ZNF718: variants seen among roughly 807,000 people sequenced by gnomAD.
ZNF718 encodes the protein zinc finger protein 718.
In ZNF718, 3 loss-of-function variants were observed where a neutral mutation model predicts 2.6. The observed-to-expected ratio is 1.16, with a 90% CI of 0.53 to 3.01. ZNF718 has a LOEUF of 3.01. Ranked by LOEUF, ZNF718 falls within the 30% of genes most tolerant of loss-of-function variation. ZNF718 has a pLI of 0.03. For synonymous variants in ZNF718, 135 were observed against 77.9 expected (o/e 1.73, Z -3.86); for missense variants, 468 against 230.0 (o/e 2.03, Z -6.69).
intron 3 of ZNF718, among the ~76,000 whole-genome samples, chr4:198,988 T>C (rs1477914951): frequency 1.9e-4 from 29 of 152,170 alleles, no homozygotes; most frequent in Admixed American, 1.7e-3. Flanking sequence ...GTCACAAACC[T>C]GGAAATAGCA....
intron 3 of ZNF718, among the ~76,000 whole-genome samples, chr4:186,095 G>A (rs192627030): frequency 2.5e-4 from 38 of 152,026 alleles, no homozygotes; most frequent in African/African-American, 7.0e-4. Flanking sequence ...AGTGTCACTG[G>A]CTGACACTAT....
rs1478486494 is a variant in ZNF718 at position 162,084 on chromosome 4, C to T, written c.1399C>T (p.Pro467Ser). The change falls in exon 4 of 4, where the codon CCT becomes TCT. Residue 467 changes from proline (P) to serine (S), a missense_variant. Physicochemically the swap from Pro to Ser is moderately conservative, Grantham distance 74. Transcript: ENST00000510175. The part of the protein sequence containing the change: ...GKAFKQYSNL[P>S]QHKRTHTGGK... ...AGCTTTTAAGCAGTACTCCAACCTT[C>T]CTCAACATAAGAGAACTCATACTGG... 1.3e-6 allele frequency: 1 copy of T among 768,538 alleles called. No individual in the cohort carries two copies. The highest frequency in any genetic ancestry group is 1.7e-5 in the African/African-American group (1 of 58,448). The allele number at this position is 768,538 out of a possible 1,614,324, so 47.6% of individuals were successfully genotyped here.
chr4:190,444 A>T lies in ZNF718; in HGVS notation c.227-10637A>T, dbSNP rs1046068307. Among the ~76,000 whole-genome samples, 7 of 151,754 alleles carry T rather than the reference A, an allele frequency of 4.6e-5. No individual in the cohort carries two copies. In the East Asian group the frequency reaches 1.4e-3, roughly 29 times the overall value. ...AACTCCATCTCAAAAAAAAAAAAAA[A>T]AAGAAGTTTTAAGTCAATATAATGA... is the stretch of plus-strand genomic sequence containing the variant. On this transcript the variant is annotated intron_variant and NMD_transcript_variant, in intron 3 of 4. Transcript: ENST00000642529.
chr4:150,471 G>A (rs538690712), intron 3 of ZNF718, among the ~76,000 whole-genome samples: 26 of 151,928 alleles, frequency 1.7e-4, no homozygotes, highest in Non-Finnish European at 3.4e-4. Context: ...ATCATTTATT[G>A]TTAGATTTCA....
At chr4:139,039 G>A (rs1189288278) in intron 3 of ZNF718, among the ~76,000 whole-genome samples, 1 of 152,038 alleles carries the variant, frequency 6.6e-6, no homozygotes, top group Non-Finnish European at 1.5e-5. Context: ...ATTCCTTATA[G>A]GCAGTTTCCA....
intron 3 of ZNF718, among the ~76,000 whole-genome samples, chr4:171,512 G>A (rs528856700): frequency 3.1e-4 from 47 of 152,158 alleles, no homozygotes; most frequent in Non-Finnish European, 2.9e-5. Context: ...TTTCCTGGCC[G>A]CTTTGTTTAC....
chr4:136,345 G>A, intron 3 of ZNF718: 1 of 519,914 alleles, frequency 1.9e-6, no homozygotes, highest in South Asian at 1.4e-5. Flanking sequence ...ACATAGCTGA[G>A]GCCGAGATCT....
Position 162,201 on chromosome 4 carries a change from C to T in ZNF718, c.*79C>T. ...ATTCATACTGGAGAGAAACTCTACA[C>T]ATGAAAAAATTGACAAAGCTTTTAA... is the stretch of plus-strand genomic sequence containing the variant. On this transcript the variant is annotated 3_prime_UTR_variant, in exon 4 of 4. Transcript: ENST00000510175. 3.4e-6 allele frequency: 2 copies of T among 590,864 alleles called. No individual in the cohort carries two copies. Among genetic ancestry groups the T allele is most frequent in the South Asian group, 4.9e-5 (2 of 40,966 alleles). The allele number at this position is 590,864 out of a possible 1,614,324, so 36.6% of individuals were successfully genotyped here.
At chr4:194,741 G>C (rs1457707062) in intron 3 of ZNF718, among the ~76,000 whole-genome samples, 1 of 152,176 alleles carries the variant, frequency 6.6e-6, no homozygotes, top group Non-Finnish European at 1.5e-5. Flanking sequence ...GAGGGAAAAA[G>C]ACAAATGCAC....
At position 162,451 on chromosome 4, in the gene ZNF718, A is replaced by G. The variant is rs1347594971; in HGVS notation, c.*329A>G. 1.0e-5 allele frequency: 2 copies of G among 191,012 alleles called. No individual in the cohort carries two copies. Among genetic ancestry groups the G allele is most frequent in the Non-Finnish European group, 1.1e-5 (1 of 93,326 alleles). The allele number at this position is 191,012 out of a possible 1,614,324, so 11.8% of individuals were successfully genotyped here. On this transcript the variant is annotated 3_prime_UTR_variant, in exon 4 of 4. Coordinates refer to ENST00000510175, the MANE Select transcript of ZNF718 (RefSeq NM_001039127.6). ...TACTTGAGAAAAATTGTACAAATATAGAAAATGTAGAAAAGCCATTAATGC... is the reference window on the plus strand; with the variant it reads ...TACTTGAGAAAAATTGTACAAATATGGAAAATGTAGAAAAGCCATTAATGC...
intron 3 of ZNF718, among the ~76,000 whole-genome samples, chr4:153,838 AAAG>A (rs1716447293): frequency 6.6e-6 from 1 of 152,236 alleles, no homozygotes; most frequent in South Asian, 2.1e-4. Flanking sequence ...CAGAACAAAA[AAAG>A]CAGAAAATGT....
chr4:170,230 T>C (rs1217380629), intron 3 of ZNF718, among the ~76,000 whole-genome samples: 2 of 152,362 alleles, frequency 1.3e-5, no homozygotes, highest in Non-Finnish European at 2.9e-5. Flanking sequence ...GTTAGTCTGA[T>C]GGGCTTCCCT....
At chr4:189,115 C>T (rs1320069921) in intron 3 of ZNF718, among the ~76,000 whole-genome samples, 2 of 138,638 alleles carry the variant, frequency 1.4e-5, no homozygotes, top group Non-Finnish European at 3.0e-5. Context: ...GGCTGGAGTG[C>T]AATGGTGCAA....
intron 1 of ZNF718, chr4:124,878 G>C (rs1715125286): frequency 3.4e-6 from 2 of 586,340 alleles, no homozygotes; most frequent in Admixed American, 3.2e-5. Context: ...GCTCTGCGCC[G>C]GTAGCCCTGC....
intron 3 of ZNF718, among the ~76,000 whole-genome samples, chr4:176,077 A>G (rs781887508): frequency 1.3e-5 from 2 of 151,930 alleles, no homozygotes; most frequent in Admixed American, 6.6e-5. Context: ...CTCTATGATC[A>G]TTACTCACAC....
intron 3 of ZNF718, among the ~76,000 whole-genome samples, chr4:196,753 C>T (rs4541451): frequency 0.39 from 59,067 of 151,658 alleles, 11,985 homozygotes; most frequent in South Asian, 0.49. Context: ...ACACTCCCAA[C>T]CCAGAAGGGT....
intron 3 of ZNF718, among the ~76,000 whole-genome samples, chr4:153,022 CAAA>C (rs1716396856): frequency 7.1e-6 from 1 of 141,202 alleles, no homozygotes; most frequent in Admixed American, 7.6e-5. Flanking sequence ...ATGTTTATTT[CAAA>C]TAGCTTTATA....
intron 3 of ZNF718, among the ~76,000 whole-genome samples, chr4:170,808 C>T (rs974541003): frequency 2.6e-5 from 4 of 152,164 alleles, no homozygotes; most frequent in Admixed American, 6.5e-5. Flanking sequence ...TCCTTTAGTT[C>T]GGAGTAGTTT....
intron 3 of ZNF718, among the ~76,000 whole-genome samples, chr4:160,559 T>G (rs1388926301): frequency 2.6e-5 from 4 of 152,174 alleles, no homozygotes; most frequent in African/African-American, 7.2e-5. Context: ...ATTTGTTTAT[T>G]TATTTATTGA....
Sources: allele counts gnomAD v4.1 joint callset (sites outside exome capture counted in the v4.1 genomes callset), GRCh38; gene constraint gnomAD v4.1.1; transcripts MANE v1.5; gene names NCBI Gene and HGNC (gene_info 2026-07-23, HGNC 2026-07-21).